The following IGSF10 variants were observed in gnomAD, a reference collection of about 807,000 sequenced individuals.
IGSF10 encodes the protein immunoglobulin superfamily member 10, also known as calvaria mechanical force protein 608.
IGSF10 carries 126 observed loss-of-function variants against 128.2 expected under a neutral mutation model. The observed-to-expected ratio is 0.98, with a 90% CI of 0.85 to 1.14. The LOEUF (loss-of-function observed/expected upper bound fraction) is 1.14, where lower values mean the gene tolerates loss of function less well. IGSF10 is among the 50% of genes most tolerant of loss of function. The probability of loss-of-function intolerance (pLI) is 0.00; values close to 1 mark genes in which losing one functional copy is unlikely to be tolerated. For missense variants in IGSF10, 3,295 were observed against 3,149.8 expected (o/e 1.05, Z -1.10); for synonymous variants, 1,185 against 1,146.2 (o/e 1.03, Z -0.68).
the IGSF10 span, among the ~76,000 whole-genome samples, chr3:151,467,896 A>AAAAGAAAAAAGAAAAAAAG: frequency 6.6e-5 from 10 of 152,160 alleles, no homozygotes; most frequent in South Asian, 1.9e-3. Context: ...AAAAAAAGAA[A>AAAAGAAAAAAGAAAAAAAG]AAAGAAAAAA....
chr3:151,479,264 C>G, the IGSF10 span, among the ~76,000 whole-genome samples: 2 of 151,972 alleles, frequency 1.3e-5, no homozygotes, highest in Non-Finnish European at 2.9e-5. Context: ...TACCCCAAGT[C>G]TTAATGAGAA....
the IGSF10 span, among the ~76,000 whole-genome samples, chr3:151,560,537 G>A: frequency 2.6e-5 from 4 of 152,050 alleles, no homozygotes; most frequent in African/African-American, 9.7e-5. Flanking sequence ...ACCTAAGAAG[G>A]TAGCGATAAG....
the IGSF10 span, among the ~76,000 whole-genome samples, chr3:151,547,589 G>T: frequency 1.3e-5 from 2 of 152,212 alleles, no homozygotes; most frequent in East Asian, 3.9e-4. Flanking sequence ...TGTACCTGGT[G>T]CATATTTGTC....
the IGSF10 span, among the ~76,000 whole-genome samples, chr3:151,614,607 TG>T: frequency 6.7e-6 from 1 of 149,284 alleles, no homozygotes; most frequent in African/African-American, 2.5e-5. Flanking sequence ...CACTCATAGG[TG>T]GGAATTGAAC....
chr3:151,546,309 A>G, the IGSF10 span, among the ~76,000 whole-genome samples: 9 of 151,810 alleles, frequency 5.9e-5, no homozygotes, highest in African/African-American at 2.2e-4. Context: ...CCCACCAACA[A>G]GAGCAACTGA....
At chr3:151,573,313 A>G in the IGSF10 span, among the ~76,000 whole-genome samples, 11 of 152,168 alleles carry the variant, frequency 7.2e-5, no homozygotes, top group Non-Finnish European at 8.8e-5. Context: ...GATCTGTCTA[A>G]TATTGACAGT....
chr3:151,437,607 T>C lies in IGSF10; in HGVS notation c.6954A>G (p.Glu2318=), dbSNP rs764206051. ...SADFICVARN[E]GGESVLVVQL... is the part of the protein sequence containing the mutation. ...GTACTACCAACACGCTCTCTCCACC[T>C]TCATTTCGGGCCACACAGATAAAGT... The change falls in exon 8 of 8, where the codon GAA becomes GAG. Residue 2318 remains glutamate, a synonymous_variant. Coordinates refer to ENST00000282466, the MANE Select transcript of IGSF10 (RefSeq NM_178822.5). 12 of 1,614,210 alleles carry C rather than the reference T, an allele frequency of 7.4e-6. No homozygotes were observed. The South Asian group carries it at 1.3e-4, about 18-fold the overall frequency.
chr3:151,450,394 G>A (rs181931625), intron 5 of IGSF10, among the ~76,000 whole-genome samples: 82 of 152,236 alleles, frequency 5.4e-4, no homozygotes, highest in African/African-American at 1.9e-3. Flanking sequence ...GCTAGATAGG[G>A]TCAAATCTCC....
chr3:151,507,499 C>T, the IGSF10 span, among the ~76,000 whole-genome samples: 1 of 152,124 alleles, frequency 6.6e-6, no homozygotes, highest in Non-Finnish European at 1.5e-5. Context: ...CTGTCTGAGA[C>T]TTGACGATTT....
the IGSF10 span, among the ~76,000 whole-genome samples, chr3:151,619,620 A>G: frequency 7.9e-5 from 12 of 152,240 alleles, no homozygotes; most frequent in African/African-American, 2.9e-4. Flanking sequence ...TTACTATAAA[A>G]ATAAGTGGGT....
chr3:151,527,793 T>A, the IGSF10 span, among the ~76,000 whole-genome samples: 72 of 151,794 alleles, frequency 4.7e-4, no homozygotes, highest in African/African-American at 1.7e-3. Flanking sequence ...CTACAATTTT[T>A]TTTTTTTTAA....
Position 151,448,843 on chromosome 3 carries a change from A to T in IGSF10, c.1138T>A (p.Leu380Met), listed in dbSNP as rs1721365996. ...AGTATCAGAGGAGAATCACTGTACA[A>T]AGCCAAAATTTGCCACACTGGCTGA... ...HIQPVWQILA[L>M]YSDSPLILER... Residue 380 changes from leucine (L) to methionine (M), a missense_variant, in exon 6 of 8, where the codon TTG becomes ATG. By Grantham distance (15) the Leu-to-Met change is conservative (BLOSUM62 2). Coordinates refer to ENST00000282466, the MANE Select transcript of IGSF10 (RefSeq NM_178822.5). The T allele has an allele frequency of 6.2e-7, 1 of 1,614,002 alleles. No individual in the cohort carries two copies. The highest frequency in any genetic ancestry group is 8.5e-7 in the Non-Finnish European group (1 of 1,179,826).
At chr3:151,473,685 G>T in the IGSF10 span, among the ~76,000 whole-genome samples, 1 of 152,150 alleles carries the variant, frequency 6.6e-6, no homozygotes, top group South Asian at 2.1e-4. Context: ...ATTTATGGAT[G>T]AACAAACTTG....
the IGSF10 span, among the ~76,000 whole-genome samples, chr3:151,472,366 T>C: frequency 6.6e-6 from 1 of 152,188 alleles, no homozygotes; most frequent in African/African-American, 2.4e-5. Context: ...GAAAATCTTT[T>C]TCCTTTTTTG....
chr3:151,550,359 A>C, the IGSF10 span, among the ~76,000 whole-genome samples: 1 of 152,098 alleles, frequency 6.6e-6, no homozygotes, highest in Admixed American at 6.6e-5. Context: ...TGTCTTTTAT[A>C]ATCTTTAATT....
the IGSF10 span, among the ~76,000 whole-genome samples, chr3:151,595,664 G>C: frequency 1.3e-5 from 2 of 149,822 alleles, no homozygotes; most frequent in Admixed American, 6.6e-5. Context: ...ATTATGCTAA[G>C]TGAAATTAGC....
chr3:151,440,096 T>G (rs1720757984), intron 7 of IGSF10, among the ~76,000 whole-genome samples: 1 of 152,130 alleles, frequency 6.6e-6, no homozygotes, highest in Non-Finnish European at 1.5e-5. Context: ...AGTGGTGAGA[T>G]CACGGCTCAC....
At chr3:151,436,004 C>T (rs1018624479), downstream of IGSF10, 1 of 152,108 alleles carries the variant, frequency 6.6e-6, no homozygotes, top group Non-Finnish European at 1.5e-5. Flanking sequence ...ATTTTTAAAA[C>T]CTTTTTAATG....
chr3:151,510,240 G>GAC, the IGSF10 span, among the ~76,000 whole-genome samples: 1 of 152,190 alleles, frequency 6.6e-6, no homozygotes, highest in Admixed American at 6.5e-5. Context: ...GGGGCGGACT[G>GAC]ACACCTCACA....
Sources: allele counts gnomAD v4.1 joint callset (sites outside exome capture counted in the v4.1 genomes callset), GRCh38; gene constraint gnomAD v4.1.1; transcripts MANE v1.5; gene names NCBI Gene and HGNC (gene_info 2026-07-23, HGNC 2026-07-21).